The following KCNIP1 variants were observed in gnomAD, a reference collection of about 807,000 sequenced individuals.
KCNIP1 encodes potassium voltage-gated channel interacting protein 1, also known as A-type potassium channel modulatory protein KCNIP1.
In KCNIP1, 18 loss-of-function variants were observed where a neutral mutation model predicts 33.0. That is an observed-to-expected ratio of 0.55 (90% confidence interval 0.38 to 0.81). The LOEUF (loss-of-function observed/expected upper bound fraction) is 0.81. Ranked by LOEUF, KCNIP1 falls within the 30% of genes least tolerant of loss-of-function variation. KCNIP1 has a pLI of 0.00. For synonymous variants in KCNIP1, 93 were observed against 98.3 expected (o/e 0.95, Z 0.32); for missense variants, 238 against 271.6 (o/e 0.88, Z 0.87).
intron 1 of KCNIP1, among the ~76,000 whole-genome samples, chr5:170,700,693 C>T (rs575735199): frequency 2.4e-4 from 36 of 152,366 alleles, no homozygotes; most frequent in Middle Eastern, 3.4e-3. Flanking sequence ...GTTGCCTGAG[C>T]ACGGAGCCAG....
intron 1 of KCNIP1, among the ~76,000 whole-genome samples, chr5:170,480,897 TCTTTC>T (rs1176762036): frequency 3.3e-5 from 5 of 152,212 alleles, no homozygotes; most frequent in Admixed American, 2.0e-4. Context: ...CAAAATTCAC[TCTTTC>T]CTTCTTACAA....
intron 1 of KCNIP1, among the ~76,000 whole-genome samples, chr5:170,445,416 A>T (rs6872566): frequency 6.6e-6 from 1 of 152,122 alleles, no homozygotes; most frequent in Non-Finnish European, 1.5e-5. Flanking sequence ...GCCTGCCACC[A>T]TGGCTGCGAG....
intron 7 of KCNIP1, among the ~76,000 whole-genome samples, chr5:170,735,117 T>A (rs1222212525): frequency 2.6e-5 from 4 of 152,370 alleles, no homozygotes. Context: ...TATTGATAAT[T>A]TGAAAAGCAG....
At chr5:170,656,208 C>T (rs552180893) in intron 1 of KCNIP1, among the ~76,000 whole-genome samples, 48 of 152,342 alleles carry the variant, frequency 3.2e-4, no homozygotes, top group African/African-American at 1.1e-3. Context: ...ATGGGCCCAG[C>T]CCTGTGAACA....
chr5:170,598,505 A>T (rs1383591163), intron 1 of KCNIP1, among the ~76,000 whole-genome samples: 2 of 152,196 alleles, frequency 1.3e-5, no homozygotes, highest in Non-Finnish European at 2.9e-5. Context: ...GCCCCGGACA[A>T]GGTACCTACC....
At chr5:170,482,462 C>G (rs2113167926) in intron 1 of KCNIP1, among the ~76,000 whole-genome samples, 1 of 152,308 alleles carries the variant, frequency 6.6e-6, no homozygotes, top group African/African-American at 2.4e-5. Context: ...ACCCTTACAA[C>G]AGCCCCATGA....
intron 1 of KCNIP1, among the ~76,000 whole-genome samples, chr5:170,584,487 C>T (rs1040921065): frequency 1.3e-5 from 2 of 152,034 alleles, no homozygotes; most frequent in Admixed American, 6.6e-5. Flanking sequence ...GCCTGAGGGT[C>T]GTGAAAGGTT....
chr5:170,551,447 G>A (rs1756631410), intron 1 of KCNIP1, among the ~76,000 whole-genome samples: 2 of 152,236 alleles, frequency 1.3e-5, no homozygotes, highest in Admixed American at 1.3e-4. Context: ...CACCCCCATG[G>A]AGTGACAGCT....
At chr5:170,403,759 C>T (rs1189789484) in intron 1 of KCNIP1, among the ~76,000 whole-genome samples, 1 of 152,156 alleles carries the variant, frequency 6.6e-6, no homozygotes. Flanking sequence ...CAGGAAGAAC[C>T]GAACTATAGT....
At chr5:170,590,361 C>T (rs1758201463) in intron 1 of KCNIP1, among the ~76,000 whole-genome samples, 1 of 152,074 alleles carries the variant, frequency 6.6e-6, no homozygotes, top group Non-Finnish European at 1.5e-5. Context: ...CCCCATGCTG[C>T]TGATTAAACT....
chr5:170,630,479 G>A (rs1218240839), intron 1 of KCNIP1, among the ~76,000 whole-genome samples: 1 of 152,236 alleles, frequency 6.6e-6, no homozygotes, highest in African/African-American at 2.4e-5. Context: ...AGATGAGTAG[G>A]GGGTCGAGTG....
chr5:170,400,998 G>T (rs2113384522), intron 1 of KCNIP1, among the ~76,000 whole-genome samples: 1 of 152,342 alleles, frequency 6.6e-6, no homozygotes. Context: ...GGAGCCTTAA[G>T]TTTCCCTGTT....
chr5:170,735,360 G>A (rs927668128), intron 7 of KCNIP1, among the ~76,000 whole-genome samples: 1 of 152,126 alleles, frequency 6.6e-6, no homozygotes, highest in Non-Finnish European at 1.5e-5. Flanking sequence ...ATAAAAATAT[G>A]ACTTATCAAA....
chr5:170,432,405 T>C (rs1755764982), intron 1 of KCNIP1, among the ~76,000 whole-genome samples: 1 of 152,254 alleles, frequency 6.6e-6, no homozygotes, highest in Non-Finnish European at 1.5e-5. Flanking sequence ...AGTTAATTAA[T>C]ATTTATTGAG....
intron 1 of KCNIP1, among the ~76,000 whole-genome samples, chr5:170,577,916 C>T (rs1171667356): frequency 2.6e-5 from 4 of 152,202 alleles, no homozygotes; most frequent in Non-Finnish European, 5.9e-5. Context: ...TTTAATCAAT[C>T]ACCTCTTGAT....
intron 1 of KCNIP1, among the ~76,000 whole-genome samples, chr5:170,517,685 G>A (rs1014312850): frequency 5.3e-5 from 8 of 151,994 alleles, no homozygotes; most frequent in Middle Eastern, 6.8e-3. Context: ...TGATAGTGAC[G>A]GTGGTGATGA....
intron 1 of KCNIP1, among the ~76,000 whole-genome samples, chr5:170,416,662 T>A (rs1303387735): frequency 6.6e-6 from 1 of 151,784 alleles, no homozygotes; most frequent in East Asian, 1.9e-4. Context: ...TAACAGCTAA[T>A]TTTTTTTAAT....
chr5:170,508,453 T>C (rs1282240991), intron 1 of KCNIP1, among the ~76,000 whole-genome samples: 1 of 152,228 alleles, frequency 6.6e-6, no homozygotes, highest in Non-Finnish European at 1.5e-5. Context: ...TTAGGGTTTA[T>C]TGGTCAGGGC....
intron 1 of KCNIP1, among the ~76,000 whole-genome samples, chr5:170,562,952 G>A (rs1481650919): frequency 6.6e-6 from 1 of 152,240 alleles, no homozygotes; most frequent in Admixed American, 6.5e-5. Context: ...TGGAAATGGA[G>A]TCCAGGGCCT....
Sources: gnomAD v4.1 joint callset for allele counts (sites outside exome capture counted in the v4.1 genomes callset) on GRCh38, gnomAD v4.1.1 for gene constraint, MANE v1.5 for transcripts, NCBI Gene and HGNC (gene_info 2026-07-23, HGNC 2026-07-21) for gene names.